KIF23: variants seen among roughly 807,000 people sequenced by gnomAD.
The protein encoded by KIF23 is kinesin family member 23.
Under a neutral mutation model 137.5 loss-of-function variants are expected in KIF23, and 30 were observed. The ratio of observed to expected loss-of-function variants is 0.22; its 90% CI spans 0.16 to 0.30. The LOEUF is 0.30. KIF23 is among the 10% of genes least tolerant of loss of function. The pLI, the probability that KIF23 is intolerant of heterozygous loss-of-function variation, is 1.00. For missense variants in KIF23, 920 were observed against 1,194.3 expected (o/e 0.77, Z 3.38); for synonymous variants, 367 against 391.1 (o/e 0.94, Z 0.73).
intron 11 of KIF23, among the ~76,000 whole-genome samples, chr15:69,432,550 A>G (rs888951993): frequency 1.3e-5 from 2 of 152,140 alleles, no homozygotes; most frequent in East Asian, 1.9e-4. Flanking sequence ...TTTTTACTCC[A>G]AAAGGCTACA....
At chr15:69,443,326 GTTTTTTTTTTTTTTTTTTT>G (rs10538305) in intron 19 of KIF23, among the ~76,000 whole-genome samples, 1 of 58,586 alleles carries the variant, frequency 1.7e-5, no homozygotes, top group African/African-American at 6.7e-5. Context: ...TGTTTTTTGG[GTTTTTTTTTTTTTTTTTTT>G]TTTTTTTTTT....
chr15:69,442,084 A>G (rs1030840378), intron 19 of KIF23, among the ~76,000 whole-genome samples: 4 of 152,230 alleles, frequency 2.6e-5, no homozygotes, highest in African/African-American at 9.6e-5. Flanking sequence ...CCATGATACT[A>G]TGAAAGTGTA....
At chr15:69,422,829 C>T (rs1166833987) in intron 6 of KIF23, 2 of 243,838 alleles carry the variant, frequency 8.2e-6, no homozygotes, top group Admixed American at 5.6e-5. Flanking sequence ...GAGACAGAGT[C>T]TCACTTTGCT....
chr15:69,430,015 AAAC>A (rs59172618), intron 11 of KIF23, among the ~76,000 whole-genome samples: 129 of 151,110 alleles, frequency 8.5e-4, no homozygotes, highest in Non-Finnish European at 1.5e-3. Flanking sequence ...CCTGTCTCAA[AAAC>A]AACAACAACA....
chr15:69,418,524 T>C (rs1368983594), intron 3 of KIF23, among the ~76,000 whole-genome samples: 1 of 152,194 alleles, frequency 6.6e-6, no homozygotes, highest in Non-Finnish European at 1.5e-5. Context: ...ACCTACCTTT[T>C]ACTTGCCTCT....
intron 15 of KIF23, among the ~76,000 whole-genome samples, chr15:69,437,260 G>T (rs546377860): frequency 2.0e-5 from 3 of 152,226 alleles, no homozygotes; most frequent in Admixed American, 1.3e-4. Context: ...AAGTGAGCGT[G>T]TGTTCTTTCT....
intron 10 of KIF23, 93 bp from the exon 11 acceptor site, chr15:69,429,018 A>C (rs963639516): frequency 4.1e-5 from 34 of 833,690 alleles, no homozygotes; most frequent in Non-Finnish European, 6.5e-5. Flanking sequence ...GCAAATGTTC[A>C]TTAAGACTTA....
chr15:69,431,926 G>A (rs920100643), intron 11 of KIF23, among the ~76,000 whole-genome samples: 1 of 152,232 alleles, frequency 6.6e-6, no homozygotes, highest in South Asian at 2.1e-4. Flanking sequence ...TGGCCCAAAG[G>A]ACTCTTGCAA....
chr15:69,439,422 T>C (rs1462847008), intron 16 of KIF23, among the ~76,000 whole-genome samples: 2 of 152,270 alleles, frequency 1.3e-5, no homozygotes, highest in Admixed American at 1.3e-4. Context: ...CTGTATTTGG[T>C]TTACAAATCG....
chr15:69,416,103 A>C, intron 2 of KIF23, 40 bp downstream of exon 2: 1 of 1,329,794 alleles, frequency 7.5e-7, no homozygotes, highest in Non-Finnish European at 1.0e-6. Flanking sequence ...TGTTTAAGAA[A>C]CTTATCTCTT....
At position 69,440,283 on chromosome 15, in the gene KIF23, A is replaced by G. The variant is rs779404855; in HGVS notation, c.1930-25A>G. ...TCGTTTGCTGTGATGGAATGATAAT[A>G]TACATTGCCACTGATAATCTGTAGG... is the stretch of plus-strand genomic sequence containing the variant. On this transcript the variant is annotated intron_variant, in intron 17 of 23. Transcript: ENST00000679126. The G allele has an allele frequency of 6.2e-6, 10 of 1,600,270 alleles. No individual in the cohort carries two copies. The Admixed American group carries it at 1.7e-4, about 28-fold the overall frequency.
In KIF23 at chr15:69,446,211, T is replaced by A. The variant is rs537440365; in HGVS notation, c.2757-72T>A. 4.0e-4 allele frequency: 570 copies of A among 1,435,862 alleles called. 2 individuals are homozygous for A. In the African/African-American group the frequency reaches 7.3e-3, roughly 18 times the overall value. 88.9% of individuals were successfully genotyped at this position (1,435,862 alleles called of 1,614,324 possible). Reference sequence around the variant, plus strand: ...TTCTCCAAAGGGATGTAGATAGTATTCCCCTACTTCTAATATTTTTCCTCT... The same window carrying A: ...TTCTCCAAAGGGATGTAGATAGTATACCCCTACTTCTAATATTTTTCCTCT... On this transcript the variant is annotated intron_variant, in intron 21 of 23. Transcript: ENST00000679126.
In KIF23 at chr15:69,435,462, CT is replaced by C. The variant is rs770098437; in HGVS notation, c.1115-20del. On this transcript the variant is annotated intron_variant, in intron 11 of 23. Coordinates refer to ENST00000679126, the MANE Select transcript of KIF23 (RefSeq NM_001367805.3). ...CTATACTGTTGTTCTGAAATGGCGT[CT>C]ATGTATTTTTTTCTGTCAGGTAATA... 6.3e-7 allele frequency: 1 copy of C among 1,589,030 alleles called. No individual in the cohort carries two copies. The highest frequency in any genetic ancestry group is 8.6e-7 in the Non-Finnish European group (1 of 1,159,118).
chr15:69,425,191 C>G, intron 7 of KIF23, 91 bp from the exon 8 acceptor site: 2 of 925,472 alleles, frequency 2.2e-6, no homozygotes, highest in African/African-American at 3.3e-5. Flanking sequence ...TAAGATATGA[C>G]TCATTGTGAT....
chr15:69,419,880 G>A (rs746758965), intron 3 of KIF23, among the ~76,000 whole-genome samples: 41 of 152,228 alleles, frequency 2.7e-4, no homozygotes, highest in Middle Eastern at 3.4e-3. Flanking sequence ...ATAAATATAG[G>A]TATCGAGTAG....
chr15:69,444,859 G>T lies in KIF23; in HGVS notation c.2491G>T (p.Asp831Tyr), dbSNP rs2057708529. 1 of 1,614,144 alleles carries T rather than the reference G, an allele frequency of 6.2e-7. No individual in the cohort carries two copies. ...LRHRRSRSAG[D>Y]RWVDHKPASN... ...ACACAGACGATCACGCTCTGCAGGA[G>T]ACAGATGGGTAGATCATAAGCCCGC... The change falls in exon 20 of 24, where the codon GAC becomes TAC. Residue 831 changes from aspartate (D) to tyrosine (Y), a missense_variant. This residue lies in a region of KIF23 where 714 missense variants were observed against 866.2 expected (regional missense o/e 0.82). Transcript: ENST00000679126. The surrounding 1 kb of genome is among the most constrained non-coding windows in gnomAD (Gnocchi z 4.2).
At chr15:69,422,980 G>T (rs911240546) in intron 6 of KIF23, 179 bp from the exon 7 acceptor site, 4 of 461,440 alleles carry the variant, frequency 8.7e-6, no homozygotes, top group African/African-American at 8.3e-5. Flanking sequence ...TGTATTTTTA[G>T]TAGAGACGGG....
chr15:69,429,245 C>A, intron 11 of KIF23, 32 bp downstream of exon 11: 2 of 1,479,560 alleles, frequency 1.4e-6, no homozygotes, highest in Non-Finnish European at 1.9e-6. Context: ...TTTATTGCTA[C>A]AACTTTCAGA....
At chr15:69,433,823 A>T (rs570432877) in intron 11 of KIF23, among the ~76,000 whole-genome samples, 1 of 152,220 alleles carries the variant, frequency 6.6e-6, no homozygotes. Flanking sequence ...TCCTGAACTC[A>T]GAATCGATGG....
Sources: gnomAD v4.1 joint callset for allele counts (sites outside exome capture counted in the v4.1 genomes callset) on GRCh38, gnomAD v4.1.1 for gene constraint, gnomAD v4.1.1 regional missense constraint, Gnocchi (gnomAD v3.1) non-coding constraint, MANE v1.5 for transcripts, NCBI Gene and HGNC (gene_info 2026-07-23, HGNC 2026-07-21) for gene names.